Variants in MACROD2 observed in about 807,000 individuals in gnomAD.
The protein encoded by MACROD2 is mono-ADP ribosylhydrolase 2, also known as ADP-ribose glycohydrolase MACROD2.
A neutral mutation model predicts 70.4 loss-of-function variants in MACROD2; 36 were observed. That is an observed-to-expected ratio of 0.51 (90% CI 0.39 to 0.68). MACROD2 has a LOEUF of 0.68. Ranked by LOEUF, MACROD2 falls within the 30% of genes least tolerant of loss-of-function variation. The pLI is 0.00. For missense variants in MACROD2, 496 were observed against 538.4 expected, an observed-to-expected ratio of 0.92 and a Z score of 0.78; for synonymous variants, 172 against 178.8, an observed-to-expected ratio of 0.96 and a Z score of 0.30.
chr20:15,885,868 T>G, intron 10 of MACROD2, 57 bp downstream of exon 10: 1 of 1,441,404 alleles, frequency 6.9e-7, no homozygotes. Flanking sequence ...TTGTTGTTTA[T>G]GTACACTTCA....
intron 2 of MACROD2, among the ~76,000 whole-genome samples, chr20:14,021,773 T>C (rs1464420368): frequency 1.3e-5 from 2 of 151,976 alleles, no homozygotes; most frequent in African/African-American, 4.8e-5. Context: ...CAGTCCAGAG[T>C]GGGTATACAT....
chr20:15,270,940 T>G (rs1285318771), intron 6 of MACROD2, among the ~76,000 whole-genome samples: 1 of 152,240 alleles, frequency 6.6e-6, no homozygotes, highest in African/African-American at 2.4e-5. Context: ...CTTCTGCTTC[T>G]TGTAAATTAT....
At chr20:14,896,997 G>C (rs1386162601) in intron 5 of MACROD2, among the ~76,000 whole-genome samples, 2 of 152,152 alleles carry the variant, frequency 1.3e-5, no homozygotes, top group African/African-American at 4.8e-5. Context: ...GGCCAAAGGA[G>C]ATTTTATGGC....
intron 8 of MACROD2, among the ~76,000 whole-genome samples, chr20:15,712,024 G>A (rs538576553): frequency 1.3e-5 from 2 of 151,970 alleles, no homozygotes; most frequent in East Asian, 1.9e-4. Context: ...TTGGTTATTC[G>A]CTTTGAAAAA....
chr20:14,202,312 A>G (rs193179137), intron 3 of MACROD2, among the ~76,000 whole-genome samples: 1 of 152,292 alleles, frequency 6.6e-6, no homozygotes, highest in Admixed American at 6.5e-5. Context: ...CATTGGTGTC[A>G]AAACTGTTTG....
chr20:15,144,618 A>G (rs1260700277), intron 5 of MACROD2, among the ~76,000 whole-genome samples: 2 of 152,214 alleles, frequency 1.3e-5, no homozygotes, highest in Non-Finnish European at 2.9e-5. Context: ...CACCAAAGTC[A>G]TAAGAGCATA....
intron 3 of MACROD2, among the ~76,000 whole-genome samples, chr20:14,203,112 CTG>C (rs760118356): frequency 1.1e-4 from 17 of 150,258 alleles, no homozygotes; most frequent in Admixed American, 2.7e-4. Flanking sequence ...GTGTGTGTGA[CTG>C]TGTTATTTCA....
chr20:14,964,521 C>T (rs1217213115), intron 5 of MACROD2, among the ~76,000 whole-genome samples: 2 of 151,360 alleles, frequency 1.3e-5, no homozygotes, highest in Admixed American at 6.6e-5. Flanking sequence ...TGCAGTGAGC[C>T]GAGATCGCGC....
At chr20:16,044,488 G>T (rs2067351297) in intron 16 of MACROD2, 83 bp from the exon 17 acceptor site, 1 of 1,149,174 alleles carries the variant, frequency 8.7e-7, no homozygotes. Flanking sequence ...AATCAGGAAA[G>T]TATCAAATCA....
chr20:15,020,906 A>G (rs1166373279), intron 5 of MACROD2, among the ~76,000 whole-genome samples: 1 of 151,114 alleles, frequency 6.6e-6, no homozygotes, highest in Non-Finnish European at 1.5e-5. Flanking sequence ...AAAAGGGAAA[A>G]CTATAGGAGA....
chr20:14,209,472 AT>A (rs2081553343), intron 3 of MACROD2, among the ~76,000 whole-genome samples: 1 of 152,242 alleles, frequency 6.6e-6, no homozygotes, highest in Admixed American at 6.5e-5. Flanking sequence ...TGGAAAAAAA[AT>A]AAAGTTCCAT....
intron 5 of MACROD2, among the ~76,000 whole-genome samples, chr20:15,162,529 A>G (rs921469937): frequency 6.6e-6 from 1 of 152,108 alleles, no homozygotes; most frequent in Non-Finnish European, 1.5e-5. Context: ...ACTAAAACTC[A>G]GAATTCTTCT....
At chr20:15,298,126 A>G (rs935066949) in intron 6 of MACROD2, among the ~76,000 whole-genome samples, 6 of 152,154 alleles carry the variant, frequency 3.9e-5, no homozygotes, top group African/African-American at 1.4e-4. Flanking sequence ...GCCCTGATAC[A>G]CCTGGCTTTA....
chr20:14,814,758 G>T (rs1351589736), intron 5 of MACROD2, among the ~76,000 whole-genome samples: 2 of 151,914 alleles, frequency 1.3e-5, no homozygotes, highest in African/African-American at 2.4e-5. Context: ...TTGAAGTGCT[G>T]GTTAAAGGTG....
chr20:15,329,470 G>A (rs780254626), intron 6 of MACROD2, among the ~76,000 whole-genome samples: 4 of 152,054 alleles, frequency 2.6e-5, no homozygotes, highest in Non-Finnish European at 4.4e-5. Context: ...AGGTGCAGTG[G>A]CTCATGTCTG....
Position 15,884,775 on chromosome 20 carries a change from C to T in MACROD2, c.728-989C>T, listed in dbSNP as rs79826263. Among the ~76,000 whole-genome samples, 1,513 of 152,166 alleles carry T rather than the reference C, an allele frequency of 9.9e-3. 11 individuals are homozygous for T. Among genetic ancestry groups the T allele is most frequent in the Non-Finnish European group, 0.015 (1,050 of 67,970 alleles). ...CTGCTGTAACAAAATATCATAGACT[C>T]AGTGGCTTACAAACAAAAGAAATTT... On this transcript the variant is annotated intron_variant, in intron 9 of 17. Transcript: ENST00000684519.
At chr20:14,262,252 A>T (rs2082107229) in intron 3 of MACROD2, among the ~76,000 whole-genome samples, 1 of 152,148 alleles carries the variant, frequency 6.6e-6, no homozygotes, top group Non-Finnish European at 1.5e-5. Flanking sequence ...TAATCTGGCA[A>T]TAAAGTAAGG....
intron 5 of MACROD2, among the ~76,000 whole-genome samples, chr20:14,719,238 A>G (rs1467854989): frequency 6.6e-6 from 1 of 152,160 alleles, no homozygotes; most frequent in Non-Finnish European, 1.5e-5. Context: ...TTAAAAAAAA[A>G]AAAATACAAA....
chr20:15,369,778 A>T (rs569632625), intron 6 of MACROD2, among the ~76,000 whole-genome samples: 2 of 152,330 alleles, frequency 1.3e-5, no homozygotes, highest in South Asian at 4.1e-4. Flanking sequence ...TCCGATAATT[A>T]GATCCCAGTA....
Sources: allele counts gnomAD v4.1 joint callset (sites outside exome capture counted in the v4.1 genomes callset), GRCh38; gene constraint gnomAD v4.1.1; transcripts MANE v1.5; gene names NCBI Gene and HGNC (gene_info 2026-07-23, HGNC 2026-07-21).